The following LRP1 variants were observed in gnomAD, a reference collection of about 807,000 sequenced individuals.
LRP1 encodes prolow-density lipoprotein receptor-related protein 1.
LRP1 carries 51 observed loss-of-function variants against 541.5 expected under a neutral mutation model. The observed-to-expected ratio is 0.09, with a 90% CI of 0.08 to 0.12. LRP1 has a LOEUF of 0.12. LRP1 is among the 10% of genes least tolerant of loss of function. LRP1 has a pLI of 1.00. For missense variants in LRP1, 3,878 were observed against 6,376.2 expected (o/e 0.61, Z 13.34); for synonymous variants, 2,219 against 2,470.8 (o/e 0.90, Z 3.02).
At chr12:57,132,851 C>A (rs924871266) in intron 1 of LRP1, among the ~76,000 whole-genome samples, 4 of 152,150 alleles carry the variant, frequency 2.6e-5, no homozygotes, top group Non-Finnish European at 5.9e-5. Flanking sequence ...TGGGCTTTCC[C>A]ACTCACCCCC....
intron 1 of LRP1, among the ~76,000 whole-genome samples, chr12:57,136,405 C>CCG (rs1555179791): frequency 2.0e-5 from 3 of 148,528 alleles, no homozygotes; most frequent in East Asian, 2.0e-4. Context: ...GCCCCCCCCC[C>CCG]CCGCCATTTT....
At chr12:57,188,545 C>T (rs2136715551) in intron 42 of LRP1, among the ~76,000 whole-genome samples, 1 of 152,240 alleles carries the variant, frequency 6.6e-6, no homozygotes, top group Admixed American at 6.5e-5. Flanking sequence ...CCTCGGCTGC[C>T]TCACCTGTCT....
Position 57,211,755 on chromosome 12 carries a change from C to G in LRP1, c.13199C>G (p.Pro4400Arg), listed in dbSNP as rs373714742. The change falls in exon 86 of 89, where the codon CCA becomes CGA. Residue 4400 changes from proline to arginine, a missense_variant. By Grantham distance (103) the Pro-to-Arg change is moderately radical. Coordinates refer to ENST00000243077, the MANE Select transcript of LRP1 (RefSeq NM_002332.3). The surrounding 1 kb of genome is among the most constrained non-coding windows in gnomAD (Gnocchi z 4.3). Reference sequence around the variant, plus strand: ...CGTGTCCCTCCTTTCTGCAGGTGCCCACCCCACATGACAGGGCCCCGGTGT... The same window carrying G: ...CGTGTCCCTCCTTTCTGCAGGTGCCGACCCCACATGACAGGGCCCCGGTGT... ...NSKMMPECQCPPHMTGPRCEE... is the reference protein window; with the variant it reads ...NSKMMPECQCRPHMTGPRCEE... 1.4e-5 allele frequency: 23 copies of G among 1,613,182 alleles called. No homozygotes were observed. Among genetic ancestry groups the G allele is most frequent in the Non-Finnish European group, 1.9e-5 (22 of 1,179,966 alleles).
intron 6 of LRP1, among the ~76,000 whole-genome samples, chr12:57,153,525 A>T (rs1053315041): frequency 6.6e-6 from 1 of 151,978 alleles, no homozygotes; most frequent in East Asian, 1.9e-4. Flanking sequence ...CTCCAGCCCT[A>T]TGACTTATTC....
In LRP1 at chr12:57,205,447, C is replaced by T. The variant is rs142687241; in HGVS notation, c.11432C>T (p.Ser3811Leu). Residue 3811 changes from serine to leucine, a missense_variant, in exon 74 of 89, where the codon TCG becomes TTG. Physicochemically the swap from Ser to Leu is moderately radical, Grantham distance 145. Transcript: ENST00000243077. This position sits in a 1 kb window ranked among gnomAD's most constrained non-coding sequence, Gnocchi z 4.6. ...TEKAAYCACR[S>L]GFHTVPGQPG... The stretch of plus-strand genomic sequence containing the variant: ...AAAGCGGCCTACTGTGCCTGCCGCT[C>T]GGGCTTCCACACCGTGCCCGGCCAG... The T allele has an allele frequency of 6.8e-6, 11 of 1,611,236 alleles. No individual in the cohort carries two copies. The highest frequency in any genetic ancestry group is 3.3e-5 in the Admixed American group (2 of 59,986).
intron 1 of LRP1, among the ~76,000 whole-genome samples, chr12:57,134,030 T>C (rs1274030900): frequency 6.6e-6 from 1 of 151,764 alleles, no homozygotes; most frequent in Non-Finnish European, 1.5e-5. Flanking sequence ...AGCAGGGCAG[T>C]GGGGTCTGTG....
intron 6 of LRP1, among the ~76,000 whole-genome samples, chr12:57,152,302 C>T (rs762478290): frequency 1.7e-4 from 26 of 152,040 alleles, no homozygotes; most frequent in Middle Eastern, 3.2e-3. Context: ...GAGAGAAGGC[C>T]GGCCGTAGCT....
Position 57,184,559 on chromosome 12 carries a change from C to G in LRP1, c.6186+107C>G. The G allele has an allele frequency of 6.8e-7, 1 of 1,463,014 alleles. No individual in the cohort carries two copies. The highest frequency in any genetic ancestry group is 2.0e-5 in the Admixed American group (1 of 50,164). The allele number at this position is 1,463,014 out of a possible 1,614,324, so 90.6% of individuals were successfully genotyped here. On this transcript the variant is annotated intron_variant, in intron 38 of 88. Transcript: ENST00000243077. The surrounding 1 kb of genome is among the most constrained non-coding windows in gnomAD (Gnocchi z 7.8). Reference sequence around the variant, plus strand: ...AGGACTTGGAGCCCAGGGGAAGTCACAGGGTCTCCCAGCCCAGCCCTCCAC... The same window carrying G: ...AGGACTTGGAGCCCAGGGGAAGTCAGAGGGTCTCCCAGCCCAGCCCTCCAC...
intron 17 of LRP1, among the ~76,000 whole-genome samples, chr12:57,166,692 C>A (rs759376591): frequency 6.6e-6 from 1 of 152,126 alleles, no homozygotes; most frequent in Non-Finnish European, 1.5e-5. Flanking sequence ...GAGCATAGCT[C>A]TAGACTGGAG....
Position 57,204,637 on chromosome 12 carries a change from G to T in LRP1, c.11082G>T (p.Val3694=). Residue 3694 remains valine (V), a synonymous_variant, in exon 72 of 89, where the codon GTG becomes GTT. Transcript: ENST00000243077. This position sits in a 1 kb window ranked among gnomAD's most constrained non-coding sequence, Gnocchi z 5.3. ...CCCTGGCTGCTGCAGCCCGGTTCGT[G>T]TGCCCTCCCAACCGGCCCTTCCGTT... is the stretch of plus-strand genomic sequence containing the variant. ...DENPEECARF[V]CPPNRPFRCK... is the part of the protein sequence containing the mutation. 6.2e-7 allele frequency: 1 copy of T among 1,613,930 alleles called. No individual in the cohort carries two copies. The highest frequency in any genetic ancestry group is 1.1e-5 in the South Asian group (1 of 91,082).
chr12:57,198,587 A>G lies in LRP1; in HGVS notation c.9593A>G (p.Tyr3198Cys), dbSNP rs749972945. The G allele has an allele frequency of 6.2e-6, 10 of 1,613,818 alleles. No homozygotes were observed. The highest frequency in any genetic ancestry group is 4.0e-5 in the African/African-American group (3 of 74,932). Reference sequence around the variant, plus strand: ...TGGCCCAATGGCCTGACGCTGGACTATGTCACTGAGCGCATCTACTGGGCC... The same window carrying G: ...TGGCCCAATGGCCTGACGCTGGACTGTGTCACTGAGCGCATCTACTGGGCC... ...ITWPNGLTLDYVTERIYWADA... is the reference protein window; with the variant it reads ...ITWPNGLTLDCVTERIYWADA... The change falls in exon 60 of 89, where the codon TAT becomes TGT. Residue 3198 changes from tyrosine to cysteine, a missense_variant. Transcript: ENST00000243077.
In LRP1 at chr12:57,195,886, G is replaced by T. The variant is rs1555186708; in HGVS notation, c.8584G>T (p.Glu2862Ter). 6.2e-7 allele frequency: 1 copy of T among 1,613,762 alleles called. No individual in the cohort carries two copies. ...ECEYPTCGPS[E>*]FRCANGRCLS... ...AGAGTACCCGACCTGCGGCCCCAGT[G>T]AGTTCCGCTGTGCCAATGGGCGCTG... Residue 2862 changes from glutamate (E) to a stop codon, truncating the protein, a stop_gained, in exon 54 of 89, where the codon GAG becomes TAG. Transcript: ENST00000243077. LOFTEE classifies it high-confidence loss of function.
Position 57,206,747 on chromosome 12 carries a change from T to C in LRP1, c.11859+6T>C, listed in dbSNP as rs2036788331. On this transcript the variant is annotated splice_donor_region_variant and intron_variant, in intron 76 of 88. Transcript: ENST00000243077. The surrounding 1 kb of genome is among the most constrained non-coding windows in gnomAD (Gnocchi z 4.7). ...GGGGTGTCACCCACCTCAACGTGAG[T>C]GCCCAACCTGGCGTGGATGGAGTGG... 3 of 1,609,920 alleles carry C rather than the reference T, an allele frequency of 1.9e-6. No homozygotes were observed. Among genetic ancestry groups the C allele is most frequent in the Non-Finnish European group, 1.7e-6 (2 of 1,179,596 alleles).
Position 57,201,912 on chromosome 12 carries a change from C to G in LRP1, c.10594+7C>G. On this transcript the variant is annotated splice_region_variant and intron_variant, in intron 67 of 88. Coordinates refer to ENST00000243077, the MANE Select transcript of LRP1 (RefSeq NM_002332.3). The surrounding 1 kb of genome is among the most constrained non-coding windows in gnomAD (Gnocchi z 6.4). ...GAGCCCAAGGAAGAGTGTGGTGAGC[C>G]GAGACCCCACTCCAGGAGGAAGACA... 6.2e-7 allele frequency: 1 copy of G among 1,613,674 alleles called. No individual in the cohort carries two copies. Among genetic ancestry groups the G allele is most frequent in the South Asian group, 1.1e-5 (1 of 91,044 alleles).
chr12:57,194,879 C>T (rs2036495508), intron 50 of LRP1, 106 bp from the exon 51 acceptor site: 3 of 1,167,610 alleles, frequency 2.6e-6, no homozygotes, highest in South Asian at 1.3e-5. Context: ...AGCCCCCCCA[C>T]AGAGGGGTGC....
At position 57,179,117 on chromosome 12, in the gene LRP1, G is replaced by A. The variant is rs1170928063; in HGVS notation, c.4738+96G>A. The A allele has an allele frequency of 3.7e-5, 56 of 1,501,032 alleles. 1 individual carries two copies. In the East Asian group the frequency reaches 1.1e-3, roughly 30 times the overall value. 93.0% of individuals were successfully genotyped at this position (1,501,032 alleles called of 1,614,324 possible). ...GGTTGTCAGCTAAGGCAGAGTCCCA[G>A]TCGGGAGGGTCCCGATAGGAGAGGC... On this transcript the variant is annotated intron_variant, in intron 28 of 88. Coordinates refer to ENST00000243077, the MANE Select transcript of LRP1 (RefSeq NM_002332.3). This position sits in a 1 kb window ranked among gnomAD's most constrained non-coding sequence, Gnocchi z 6.8.
At chr12:57,167,299 C>T (rs1035023715) in intron 18 of LRP1, 145 bp from the exon 19 acceptor site, 88 of 686,484 alleles carry the variant, frequency 1.3e-4, no homozygotes, top group South Asian at 8.8e-4. Context: ...AGTTTCCAGC[C>T]GAGGCACTGC....
intron 19 of LRP1, among the ~76,000 whole-genome samples, chr12:57,168,540 GTC>G (rs1393589280): frequency 6.6e-6 from 1 of 152,160 alleles, no homozygotes; most frequent in Non-Finnish European, 1.5e-5. Flanking sequence ...CCAAACCCCA[GTC>G]TCCACCACAT....
Position 57,206,814 on chromosome 12 carries a change from A to G in LRP1, c.11859+73A>G. 1 of 1,543,766 alleles carries G rather than the reference A, an allele frequency of 6.5e-7. No individual in the cohort carries two copies. The highest frequency in any genetic ancestry group is 2.3e-5 in the East Asian group (1 of 44,160). On this transcript the variant is annotated intron_variant, in intron 76 of 88. Transcript: ENST00000243077. The surrounding 1 kb of genome is among the most constrained non-coding windows in gnomAD (Gnocchi z 4.7). ...AGGCGGTTCAGAGCAGGATTTGAAA[A>G]GGGCAGTGCTGGCTAGGCGCAGTGG...
Sources: allele counts gnomAD v4.1 joint callset (sites outside exome capture counted in the v4.1 genomes callset), GRCh38; gene constraint gnomAD v4.1.1; non-coding constraint Gnocchi (gnomAD v3.1); transcripts MANE v1.5; gene names NCBI Gene and HGNC (gene_info 2026-07-23, HGNC 2026-07-21).